Variants in CDH4 observed in about 807,000 individuals in gnomAD.
The protein encoded by CDH4 is cadherin 4.
In CDH4, 33 loss-of-function variants were observed where a neutral mutation model predicts 86.0. That is an observed-to-expected ratio of 0.38 (90% CI 0.29 to 0.51). CDH4 has a LOEUF of 0.51. Ranked by LOEUF, CDH4 falls within the 20% of genes least tolerant of loss-of-function variation. CDH4 has a pLI of 0.86. For missense variants in CDH4, 1,114 were observed against 1,307.4 expected, an observed-to-expected ratio of 0.85 and a Z score of 2.28; for synonymous variants, 555 against 549.4, an observed-to-expected ratio of 1.01 and a Z score of -0.14.
chr20:61,561,499 A>G (rs371753284), intron 2 of CDH4, among the ~76,000 whole-genome samples: 3 of 152,186 alleles, frequency 2.0e-5, no homozygotes, highest in African/African-American at 4.8e-5. Flanking sequence ...CGTGTGTCCA[A>G]TGTACTTAGA....
intron 2 of CDH4, among the ~76,000 whole-genome samples, chr20:61,644,413 C>A (rs2087040574): frequency 6.6e-6 from 1 of 152,216 alleles, no homozygotes; most frequent in Non-Finnish European, 1.5e-5. Flanking sequence ...GCCAGTGAAC[C>A]CGCCTGGTGC....
At chr20:61,778,731 C>T (rs1168727816) in intron 4 of CDH4, among the ~76,000 whole-genome samples, 1 of 152,142 alleles carries the variant, frequency 6.6e-6, no homozygotes, top group Non-Finnish European at 1.5e-5. Context: ...GGAAGCCGCT[C>T]ACAGTTACCG....
At chr20:61,692,350 A>G (rs942355579) in intron 2 of CDH4, among the ~76,000 whole-genome samples, 6 of 152,122 alleles carry the variant, frequency 3.9e-5, no homozygotes, top group African/African-American at 1.4e-4. Context: ...TATGTGCTCA[A>G]CTTGAATCAA....
chr20:61,423,866 C>T (rs1343535354), intron 2 of CDH4, among the ~76,000 whole-genome samples: 1 of 152,190 alleles, frequency 6.6e-6, no homozygotes, highest in African/African-American at 2.4e-5. Context: ...CCTCGCCTGG[C>T]CTCTGGCGGC....
chr20:61,845,511 C>T (rs1982407551), intron 5 of CDH4, among the ~76,000 whole-genome samples: 1 of 152,242 alleles, frequency 6.6e-6, no homozygotes, highest in Non-Finnish European at 1.5e-5. Context: ...ATCCCTTCAC[C>T]TCAGGGTCCA....
chr20:61,254,023 G>A (rs1160278474), intron 1 of CDH4, among the ~76,000 whole-genome samples: 2 of 152,206 alleles, frequency 1.3e-5, no homozygotes, highest in Non-Finnish European at 2.9e-5. Context: ...CCAGAAGCTT[G>A]GTCGGAGGGC....
chr20:61,775,921 C>T (rs986730348), intron 4 of CDH4, among the ~76,000 whole-genome samples: 4 of 152,154 alleles, frequency 2.6e-5, no homozygotes, highest in Admixed American at 2.6e-4. Context: ...CATGAAAGAG[C>T]GAGGTCACAT....
At chr20:61,286,212 G>A (rs981084484) in intron 2 of CDH4, among the ~76,000 whole-genome samples, 3 of 152,210 alleles carry the variant, frequency 2.0e-5, no homozygotes, top group South Asian at 2.1e-4. Flanking sequence ...ATCTGGCCCC[G>A]CTTTCTTCCC....
At chr20:61,815,123 GCA>G (rs1980646991) in intron 4 of CDH4, among the ~76,000 whole-genome samples, 1 of 152,190 alleles carries the variant, frequency 6.6e-6, no homozygotes, top group Admixed American at 6.5e-5. Context: ...AATATGTTAA[GCA>G]CACAGTCTCT....
chr20:61,768,396 A>G (rs1240713651), intron 3 of CDH4, among the ~76,000 whole-genome samples: 3 of 152,170 alleles, frequency 2.0e-5, no homozygotes, highest in Admixed American at 1.3e-4. Context: ...ATGTGTGCAT[A>G]GCGCCTGTAT....
At chr20:61,772,713 A>G (rs1016649799) in intron 3 of CDH4, among the ~76,000 whole-genome samples, 2 of 152,072 alleles carry the variant, frequency 1.3e-5, no homozygotes, top group African/African-American at 4.8e-5. Flanking sequence ...TGTCTACACT[A>G]TTGGTGACAT....
At chr20:61,621,738 A>G (rs1381277989) in intron 2 of CDH4, among the ~76,000 whole-genome samples, 3 of 152,238 alleles carry the variant, frequency 2.0e-5, no homozygotes, top group African/African-American at 7.2e-5. Context: ...ATAGCCACTG[A>G]GACATAAGAT....
intron 2 of CDH4, among the ~76,000 whole-genome samples, chr20:61,325,029 C>T (rs1267967381): frequency 3.9e-5 from 6 of 152,222 alleles, no homozygotes; most frequent in Non-Finnish European, 8.8e-5. Flanking sequence ...GGATGCTGGG[C>T]GAGTCCCGTA....
chr20:61,884,704 T>C (rs1984459054), intron 7 of CDH4, among the ~76,000 whole-genome samples: 1 of 152,136 alleles, frequency 6.6e-6, no homozygotes, highest in African/African-American at 2.4e-5. Flanking sequence ...GGGCGGCTGC[T>C]GCTAGTTCCT....
intron 2 of CDH4, among the ~76,000 whole-genome samples, chr20:61,282,294 G>T (rs1424157882): frequency 1.3e-5 from 2 of 152,162 alleles, no homozygotes; most frequent in African/African-American, 4.8e-5. Flanking sequence ...GGAAGACGGA[G>T]GTTTCAGTGA....
chr20:61,394,023 A>C (rs1272471135), intron 2 of CDH4, among the ~76,000 whole-genome samples: 2 of 152,346 alleles, frequency 1.3e-5, no homozygotes, highest in East Asian at 3.9e-4. Context: ...AAATACTTAT[A>C]TAAATCATTG....
At chr20:61,286,257 G>A (rs2084292759) in intron 2 of CDH4, among the ~76,000 whole-genome samples, 1 of 152,258 alleles carries the variant, frequency 6.6e-6, no homozygotes, top group Admixed American at 6.5e-5. Flanking sequence ...AGTGCAGGGT[G>A]AGAGCCTTCT....
At position 61,544,932 on chromosome 20, in the gene CDH4, G is replaced by A. The variant is rs900279006; in HGVS notation, c.170-198631G>A. Among the ~76,000 whole-genome samples the A allele has an allele frequency of 6.6e-6, 1 of 152,200 alleles. No homozygotes were observed. The highest frequency in any genetic ancestry group is 2.4e-5 in the African/African-American group (1 of 41,454). ...AGGTACAATCAAATGTATGTGATAA[G>A]TAATTAGATATCCAGGTAGACAAGT... On this transcript the variant is annotated intron_variant, in intron 2 of 15. Transcript: ENST00000614565. The surrounding 1 kb of genome is among the most constrained non-coding windows in gnomAD (Gnocchi z 6.5).
chr20:61,560,807 C>G (rs1350462727), intron 2 of CDH4, among the ~76,000 whole-genome samples: 2 of 152,228 alleles, frequency 1.3e-5, no homozygotes, highest in Non-Finnish European at 2.9e-5. Context: ...GTCTGTCCAT[C>G]CGGGGATAGT....
Sources: gnomAD v4.1 joint callset for allele counts (sites outside exome capture counted in the v4.1 genomes callset) on GRCh38, gnomAD v4.1.1 for gene constraint, Gnocchi (gnomAD v3.1) non-coding constraint, MANE v1.5 for transcripts, NCBI Gene and HGNC (gene_info 2026-07-23, HGNC 2026-07-21) for gene names.